The following ST18 variants were observed in gnomAD, a reference collection of about 807,000 sequenced individuals.
ST18 encodes suppression of tumorigenicity 18 protein.
ST18 carries 50 observed loss-of-function variants against 110.0 expected under a neutral mutation model. The observed-to-expected ratio is 0.45, with a 90% CI of 0.36 to 0.58. The LOEUF is 0.58. Among genes scored for constraint, ST18 ranks in the 20% least tolerant of loss-of-function variants. The pLI is 0.00. For missense variants in ST18, 1,306 were observed against 1,280.1 expected, an observed-to-expected ratio of 1.02 and a Z score of -0.31; for synonymous variants, 461 against 452.4, an observed-to-expected ratio of 1.02 and a Z score of -0.24.
At chr8:52,325,774 T>C (rs1806051400) in intron 2 of ST18, among the ~76,000 whole-genome samples, 1 of 152,214 alleles carries the variant, frequency 6.6e-6, no homozygotes, top group African/African-American at 2.4e-5. Context: ...TCTGTGCTAC[T>C]CTTTTTCTGT....
At chr8:52,202,793 T>C (rs908767562) in intron 8 of ST18, among the ~76,000 whole-genome samples, 1 of 152,114 alleles carries the variant, frequency 6.6e-6, no homozygotes, top group African/African-American at 2.4e-5. Flanking sequence ...AGAAGTAGCA[T>C]TAGGTGTAGG....
At chr8:52,276,688 C>T (rs748416654) in intron 2 of ST18, among the ~76,000 whole-genome samples, 2 of 151,994 alleles carry the variant, frequency 1.3e-5, no homozygotes, top group Non-Finnish European at 2.9e-5. Flanking sequence ...CCTTTAACTC[C>T]ACAGGGAGTT....
intron 2 of ST18, among the ~76,000 whole-genome samples, chr8:52,371,100 T>G (rs1037017022): frequency 6.6e-6 from 1 of 152,206 alleles, no homozygotes; most frequent in Non-Finnish European, 1.5e-5. Flanking sequence ...ACTGGTATCC[T>G]ATTGTTTAAC....
intron 3 of ST18, among the ~76,000 whole-genome samples, chr8:52,223,947 T>C (rs946329380): frequency 3.3e-5 from 5 of 152,332 alleles, no homozygotes; most frequent in Admixed American, 1.3e-4. Context: ...ATTTGCTTTT[T>C]TTAATAAGTA....
At position 52,136,681 on chromosome 8, in the gene ST18, A is replaced by C. The variant is rs752272849; in HGVS notation, c.2232-23T>G. ...ACACTAGAGAGGGATGAGGAAAAAA[A>C]CACAACACAACACTGACATATACAA... On this transcript the variant is annotated intron_variant, in intron 18 of 25. Coordinates refer to ENST00000689386, the MANE Select transcript of ST18 (RefSeq NM_001352837.2). 5 of 1,574,064 alleles carry C rather than the reference A, an allele frequency of 3.2e-6. No homozygotes were observed. In the South Asian group the frequency reaches 4.6e-5, roughly 15 times the overall value.
chr8:52,307,359 G>T (rs1426514404), intron 2 of ST18, among the ~76,000 whole-genome samples: 1 of 152,118 alleles, frequency 6.6e-6, no homozygotes, highest in Non-Finnish European at 1.5e-5. Flanking sequence ...TCTTTTTAAT[G>T]GTTAGAAGAG....
chr8:52,220,571 C>T (rs1056252943), intron 5 of ST18, 170 bp downstream of exon 5: 3 of 152,038 alleles, frequency 2.0e-5, no homozygotes, highest in Non-Finnish European at 1.5e-5. Context: ...TATTAAATGG[C>T]TGTATTTCTG....
chr8:52,361,344 G>A (rs2140446834), intron 2 of ST18, among the ~76,000 whole-genome samples: 1 of 152,288 alleles, frequency 6.6e-6, no homozygotes, highest in Non-Finnish European at 1.5e-5. Context: ...AGTCTCCGAT[G>A]AATCACTAGA....
intron 2 of ST18, among the ~76,000 whole-genome samples, chr8:52,263,535 A>G (rs974640125): frequency 1.3e-5 from 2 of 151,820 alleles, no homozygotes; most frequent in Non-Finnish European, 2.9e-5. Flanking sequence ...TATGATCAAT[A>G]TCTTGGTGTT....
intron 2 of ST18, among the ~76,000 whole-genome samples, chr8:52,273,598 A>G (rs2095145582): frequency 6.6e-6 from 1 of 152,240 alleles, no homozygotes; most frequent in African/African-American, 2.4e-5. Flanking sequence ...ATCTGTCAAC[A>G]GAAGGCTTTT....
intron 2 of ST18, among the ~76,000 whole-genome samples, chr8:52,282,834 G>C (rs2095408643): frequency 6.6e-6 from 1 of 152,068 alleles, no homozygotes; most frequent in African/African-American, 2.4e-5. Context: ...CAGTGCCTTC[G>C]GGAGCGGGGA....
Position 52,331,460 on chromosome 8 carries a change from T to G in ST18, c.-465+77868A>C, listed in dbSNP as rs144737507. Reference sequence around the variant, plus strand: ...ATTTCCAGAGCATTGTATAGGCCTATGCACACATACACAAGTAACCAAGAC... The same window carrying G: ...ATTTCCAGAGCATTGTATAGGCCTAGGCACACATACACAAGTAACCAAGAC... On this transcript the variant is annotated intron_variant, in intron 2 of 25. Transcript: ENST00000689386. 2.0e-3 allele frequency among the ~76,000 whole-genome samples: 304 copies of G among 152,250 alleles called. 4 individuals carry two copies. The highest frequency in any genetic ancestry group is 6.8e-3 in the African/African-American group (283 of 41,534).
intron 15 of ST18, among the ~76,000 whole-genome samples, chr8:52,150,237 G>T (rs2058466907): frequency 6.6e-6 from 1 of 151,432 alleles, no homozygotes; most frequent in South Asian, 2.1e-4. Context: ...TAAATATATT[G>T]GCTAAAACAG....
intron 2 of ST18, among the ~76,000 whole-genome samples, chr8:52,361,354 A>G (rs1207273820): frequency 6.6e-6 from 1 of 152,182 alleles, no homozygotes; most frequent in Non-Finnish European, 1.5e-5. Flanking sequence ...GAATCACTAG[A>G]GTCTTGAGGG....
chr8:52,332,051 ATGTG>A (rs1809698154), intron 2 of ST18, among the ~76,000 whole-genome samples: 1 of 152,088 alleles, frequency 6.6e-6, no homozygotes, highest in Non-Finnish European at 1.5e-5. Flanking sequence ...ACAAATATGT[ATGTG>A]TGTATGTATA....
chr8:52,250,574 C>G (rs1222944319), intron 2 of ST18, among the ~76,000 whole-genome samples: 1 of 149,654 alleles, frequency 6.7e-6, no homozygotes, highest in Admixed American at 6.7e-5. Flanking sequence ...CAAACAGAAC[C>G]TTTATAGTAA....
chr8:52,389,432 G>A (rs1156250129), intron 2 of ST18, among the ~76,000 whole-genome samples: 1 of 152,190 alleles, frequency 6.6e-6, no homozygotes. Flanking sequence ...GGAAAACCCA[G>A]GGACGCCGGA....
At chr8:52,205,767 C>T (rs1396155228) in intron 8 of ST18, among the ~76,000 whole-genome samples, 3 of 151,966 alleles carry the variant, frequency 2.0e-5, no homozygotes, top group Non-Finnish European at 4.4e-5. Context: ...AGGGTTTCAC[C>T]ATGTTGGCCA....
chr8:52,179,638 C>T (rs142481418), intron 9 of ST18, among the ~76,000 whole-genome samples: 59 of 151,852 alleles, frequency 3.9e-4, no homozygotes, highest in African/African-American at 1.3e-3. Context: ...GAGTAGAAAC[C>T]ATACATGTTG....
Sources: allele counts gnomAD v4.1 joint callset (sites outside exome capture counted in the v4.1 genomes callset), GRCh38; gene constraint gnomAD v4.1.1; transcripts MANE v1.5; gene names NCBI Gene and HGNC (gene_info 2026-07-23, HGNC 2026-07-21).